The following ARHGAP18 variants were observed in gnomAD, a reference collection of about 807,000 sequenced individuals.
ARHGAP18 encodes Rho GTPase activating protein 18.
ARHGAP18 carries 67 observed loss-of-function variants against 86.2 expected under a neutral mutation model. The observed-to-expected ratio is 0.78, with a 90% confidence interval of 0.64 to 0.95. ARHGAP18 has a LOEUF of 0.95. ARHGAP18 is among the 40% of genes least tolerant of loss of function. The pLI, the probability that ARHGAP18 is intolerant of heterozygous loss-of-function variation, is 0.00. For synonymous variants in ARHGAP18, 283 were observed against 280.4 expected, an observed-to-expected ratio of 1.01 and a Z score of -0.09; for missense variants, 691 against 780.4, an observed-to-expected ratio of 0.89 and a Z score of 1.37.
At chr6:129,648,516 A>T (rs1036243970) in intron 1 of ARHGAP18, among the ~76,000 whole-genome samples, 5 of 151,602 alleles carry the variant, frequency 3.3e-5, no homozygotes, top group African/African-American at 1.2e-4. Flanking sequence ...TTACACTTGT[A>T]ATCCCACCAC....
rs1406613395 is a variant in ARHGAP18, at chr6:129,682,213, G to A, written c.113+27811C>T. ...TAACCCCCGGTTTTGGCTAAACCAAGGAAAGGACAATATTGGTGTCTGTTA... is the reference window on the plus strand; with the variant it reads ...TAACCCCCGGTTTTGGCTAAACCAAAGAAAGGACAATATTGGTGTCTGTTA... On this transcript the variant is annotated intron_variant, in intron 1 of 14. Transcript: ENST00000368149. Among the ~76,000 whole-genome samples the A allele has an allele frequency of 2.0e-5, 3 of 152,206 alleles. No individual in the cohort carries two copies. The East Asian group carries it at 5.8e-4, about 29-fold the overall frequency.
intron 1 of ARHGAP18, among the ~76,000 whole-genome samples, chr6:129,683,781 A>G (rs1228860082): frequency 6.6e-6 from 1 of 152,214 alleles, no homozygotes; most frequent in African/African-American, 2.4e-5. Context: ...CCTTGCACAA[A>G]GTGGATATGG....
intron 1 of ARHGAP18, among the ~76,000 whole-genome samples, chr6:129,667,651 T>C (rs774061605): frequency 1.3e-5 from 2 of 151,802 alleles, no homozygotes; most frequent in African/African-American, 4.8e-5. Flanking sequence ...TAGTAAGGCA[T>C]TGGCTATTCC....
intron 7 of ARHGAP18, among the ~76,000 whole-genome samples, chr6:129,615,562 T>C (rs1303398122): frequency 6.6e-6 from 1 of 152,234 alleles, no homozygotes; most frequent in Non-Finnish European, 1.5e-5. Context: ...ATGCCTGGGC[T>C]GCTGCAAAGA....
chr6:129,679,474 C>T (rs1314205366), intron 1 of ARHGAP18, among the ~76,000 whole-genome samples: 1 of 152,202 alleles, frequency 6.6e-6, no homozygotes, highest in African/African-American at 2.4e-5. Flanking sequence ...TGAGAACCTA[C>T]TACATGCCAA....
chr6:129,613,245 A>G (rs1052471598), intron 7 of ARHGAP18, among the ~76,000 whole-genome samples: 7 of 151,610 alleles, frequency 4.6e-5, no homozygotes, highest in African/African-American at 9.7e-5. Context: ...AAAAAAAAAA[A>G]AAAAGAAAAG....
intron 5 of ARHGAP18, among the ~76,000 whole-genome samples, chr6:129,628,928 T>C (rs992791579): frequency 2.0e-5 from 3 of 152,134 alleles, no homozygotes; most frequent in Admixed American, 2.0e-4. Context: ...TTCTTAAGAA[T>C]TAAACTTTAA....
rs1773376290 is a variant in ARHGAP18, at chr6:129,638,395, G to T, written c.551C>A (p.Thr184Lys). ...TTAACATCAAAAAAGAAAACCTACT[G>T]TTTCTTTTGATTCTCTCTGTTGAGC... Reference protein sequence around the residue: ...IFAQQRESKETAPGGTESQSL... With the variant: ...IFAQQRESKEKAPGGTESQSL... The change falls in exon 3 of 15, where the codon ACA (threonine) becomes AAA (lysine). Residue 184 changes from threonine (T) to lysine (K), a missense_variant and splice_region_variant. Transcript: ENST00000368149. 1.2e-6 allele frequency: 2 copies of T among 1,612,184 alleles called. No individual in the cohort carries two copies. Among genetic ancestry groups the T allele is most frequent in the Non-Finnish European group, 8.5e-7 (1 of 1,178,948 alleles).
At chr6:129,609,680 A>C (rs1788938728) in intron 8 of ARHGAP18, among the ~76,000 whole-genome samples, 1 of 151,614 alleles carries the variant, frequency 6.6e-6, no homozygotes, top group African/African-American at 2.4e-5. Flanking sequence ...TAGGTGTTAC[A>C]TGAAGTGAGA....
chr6:129,638,295 G>A, intron 3 of ARHGAP18, 99 bp downstream of exon 3: 1 of 1,191,160 alleles, frequency 8.4e-7, no homozygotes, highest in Non-Finnish European at 1.2e-6. Context: ...GCATAGAATA[G>A]GTGATCATTA....
At position 129,683,118 on chromosome 6, in the gene ARHGAP18, C is replaced by T. The variant is rs186960280; in HGVS notation, c.113+26906G>A. On this transcript the variant is annotated intron_variant, in intron 1 of 14. Transcript: ENST00000368149. ...ACGGAGTCTCGCTGTGTCACCCAGG[C>T]TGGACTGCAGTGGCGTGATCTCGGC... 3.1e-3 allele frequency among the ~76,000 whole-genome samples: 461 copies of T among 149,594 alleles called. 2 individuals are homozygous for T. The highest frequency in any genetic ancestry group is 0.011 in the African/African-American group (428 of 40,646).
intron 11 of ARHGAP18, among the ~76,000 whole-genome samples, chr6:129,600,093 A>G (rs1197997076): frequency 6.6e-6 from 1 of 152,160 alleles, no homozygotes; most frequent in Non-Finnish European, 1.5e-5. Context: ...AGAGATTGAA[A>G]TATTCAATAT....
intron 3 of ARHGAP18, among the ~76,000 whole-genome samples, chr6:129,634,860 TC>T (rs1293046573): frequency 6.6e-6 from 1 of 150,548 alleles, no homozygotes; most frequent in African/African-American, 2.5e-5. Context: ...AAAGTACATG[TC>T]CCTAATAAAA....
chr6:129,628,354 A>G (rs1188757312), intron 5 of ARHGAP18, among the ~76,000 whole-genome samples: 1 of 152,184 alleles, frequency 6.6e-6, no homozygotes, highest in South Asian at 2.1e-4. Flanking sequence ...AGAATTTTAA[A>G]ATAGCCATTT....
intron 1 of ARHGAP18, among the ~76,000 whole-genome samples, chr6:129,670,623 T>C (rs961646780): frequency 1.3e-4 from 20 of 152,000 alleles, no homozygotes; most frequent in African/African-American, 4.6e-4. Context: ...AAGTCTCTTA[T>C]ACCACCTACT....
At chr6:129,641,098 A>G (rs1773454833) in intron 2 of ARHGAP18, among the ~76,000 whole-genome samples, 3 of 152,208 alleles carry the variant, frequency 2.0e-5, no homozygotes, top group Non-Finnish European at 4.4e-5. Flanking sequence ...TCTACTGTCC[A>G]ACTCTATATT....
intron 1 of ARHGAP18, among the ~76,000 whole-genome samples, chr6:129,658,846 T>C (rs888370634): frequency 3.9e-5 from 6 of 152,202 alleles, no homozygotes; most frequent in Non-Finnish European, 8.8e-5. Flanking sequence ...CTTTATGGAA[T>C]CTTAAAAAGC....
chr6:129,617,648 A>G (rs1289907425), intron 6 of ARHGAP18, among the ~76,000 whole-genome samples: 1 of 152,210 alleles, frequency 6.6e-6, no homozygotes, highest in Non-Finnish European at 1.5e-5. Flanking sequence ...TTAAAAAAAA[A>G]AACTCTTAGC....
intron 4 of ARHGAP18, among the ~76,000 whole-genome samples, chr6:129,630,192 C>T (rs1773170992): frequency 6.6e-6 from 1 of 152,200 alleles, no homozygotes; most frequent in Admixed American, 6.5e-5. Flanking sequence ...CACATATTTA[C>T]ATCAAGATTT....
Sources: allele counts gnomAD v4.1 joint callset (sites outside exome capture counted in the v4.1 genomes callset), GRCh38; gene constraint gnomAD v4.1.1; transcripts MANE v1.5; gene names NCBI Gene and HGNC (gene_info 2026-07-23, HGNC 2026-07-21).